Variants in IGSF11 observed in about 807,000 individuals in gnomAD.
IGSF11 encodes the protein CXADR like 1.
IGSF11 carries 22 observed loss-of-function variants against 41.0 expected under a neutral mutation model. That is an observed-to-expected ratio of 0.54 (90% CI 0.38 to 0.77). IGSF11 has a LOEUF of 0.77. IGSF11 is among the 30% of genes least tolerant of loss of function. The pLI, the probability that IGSF11 is intolerant of heterozygous loss-of-function variation, is 0.00. For missense variants in IGSF11, 444 were observed against 530.8 expected, an observed-to-expected ratio of 0.84 and a Z score of 1.61; for synonymous variants, 219 against 201.3, an observed-to-expected ratio of 1.09 and a Z score of -0.74.
rs561820742 is a variant in IGSF11 at position 118,933,489 on chromosome 3, T to TATATATATATATATAC, written c.53-3215_53-3214insGTATATATATATATAT. On this transcript the variant is annotated intron_variant, in intron 1 of 6. Coordinates refer to ENST00000393775, the MANE Select transcript of IGSF11 (RefSeq NM_001015887.3). Reference sequence around the variant, plus strand: ...TATTTTTTATATATATATATATATATACACACACACACACATATGTATACA... The same window carrying TATATATATATATATAC: ...TATTTTTTATATATATATATATATATATATATATATATATACACACACACACACACATATGTATACA... 1.7e-4 allele frequency among the ~76,000 whole-genome samples: 25 copies of TATATATATATATATAC among 148,800 alleles called. No homozygotes were observed. In the East Asian group the frequency reaches 4.9e-3, roughly 29 times the overall value.
At chr3:119,057,959 T>C (rs1263787811) in intron 1 of IGSF11, among the ~76,000 whole-genome samples, 1 of 152,200 alleles carries the variant, frequency 6.6e-6, no homozygotes, top group African/African-American at 2.4e-5. Flanking sequence ...TTACACCTTA[T>C]ACAAACATTA....
At chr3:119,058,131 A>G (rs1941920602) in intron 1 of IGSF11, among the ~76,000 whole-genome samples, 1 of 152,234 alleles carries the variant, frequency 6.6e-6, no homozygotes, top group Non-Finnish European at 1.5e-5. Flanking sequence ...ATGGGATCTA[A>G]TTAAACTCAA....
At chr3:119,031,896 C>G (rs948843862) in intron 1 of IGSF11, among the ~76,000 whole-genome samples, 1 of 152,128 alleles carries the variant, frequency 6.6e-6, no homozygotes, top group Admixed American at 6.5e-5. Flanking sequence ...TTTATGTGGT[C>G]ATTTCTTTCT....
chr3:119,103,214 G>C (rs538820327), intron 1 of IGSF11, among the ~76,000 whole-genome samples: 46 of 152,176 alleles, frequency 3.0e-4, no homozygotes, highest in African/African-American at 1.1e-3. Context: ...AGCCAGGATG[G>C]TCTCGATCTC....
At chr3:119,047,509 G>C (rs556089551) in intron 1 of IGSF11, among the ~76,000 whole-genome samples, 2 of 152,270 alleles carry the variant, frequency 1.3e-5, no homozygotes, top group East Asian at 3.9e-4. Context: ...AGTCCTGAGT[G>C]ACCTACAAAG....
At chr3:118,974,480 C>T (rs1452136231) in intron 1 of IGSF11, among the ~76,000 whole-genome samples, 2 of 152,166 alleles carry the variant, frequency 1.3e-5, no homozygotes, top group Non-Finnish European at 2.9e-5. Flanking sequence ...TCAGATGTTA[C>T]GAGAAGCCTC....
At chr3:118,940,925 A>C (rs893866719) in intron 1 of IGSF11, among the ~76,000 whole-genome samples, 25 of 146,914 alleles carry the variant, frequency 1.7e-4, no homozygotes, top group South Asian at 2.2e-4. Context: ...AAAAAAAAAA[A>C]CACCTCTACC....
rs1368843273 is a variant in IGSF11 at position 119,003,459 on chromosome 3, T to C, written c.52+31072A>G. Among the ~76,000 whole-genome samples the C allele has an allele frequency of 5.3e-5, 8 of 150,800 alleles. No homozygotes were observed. The South Asian group carries it at 6.3e-4, about 12-fold the overall frequency. ...CTTCCTCTTTTCCTAATTGAATACC[T>C]TTTATTTCCTTCTCCTGCCTGATTG... On this transcript the variant is annotated intron_variant, in intron 1 of 6. Transcript: ENST00000393775.
At chr3:119,005,149 G>T (rs976808976) in intron 1 of IGSF11, among the ~76,000 whole-genome samples, 2 of 146,878 alleles carry the variant, frequency 1.4e-5, no homozygotes, top group Non-Finnish European at 3.0e-5. Context: ...GGGTGCTCCT[G>T]TATTGGGTGC....
At chr3:119,122,590 G>A (rs4266184) in intron 1 of IGSF11, among the ~76,000 whole-genome samples, 142,960 of 152,236 alleles carry the variant, frequency 0.94, 67,193 homozygotes, top group East Asian at 1. Context: ...TGCATATACC[G>A]CCCCTCACCC....
chr3:119,111,296 A>G (rs1281879012), intron 1 of IGSF11, among the ~76,000 whole-genome samples: 4 of 150,560 alleles, frequency 2.7e-5, no homozygotes, highest in South Asian at 2.1e-4. Context: ...GTTTCTTTTT[A>G]TTCTTTTTTC....
At chr3:119,048,586 C>T (rs1941473260) in intron 1 of IGSF11, among the ~76,000 whole-genome samples, 1 of 152,180 alleles carries the variant, frequency 6.6e-6, no homozygotes, top group African/African-American at 2.4e-5. Context: ...GAACTGGTAC[C>T]ATTCCTTCTG....
chr3:118,948,062 T>C (rs569088314), intron 1 of IGSF11: 19 of 151,332 alleles, frequency 1.3e-4, no homozygotes, highest in Non-Finnish European at 2.5e-4. Context: ...CTATCCCGTG[T>C]ATGTGTATAT....
chr3:118,934,187 A>G (rs1943074223), intron 1 of IGSF11, among the ~76,000 whole-genome samples: 1 of 152,162 alleles, frequency 6.6e-6, no homozygotes, highest in Admixed American at 6.5e-5. Flanking sequence ...ATAGTCTTCA[A>G]TCTACTTCTG....
intron 1 of IGSF11, among the ~76,000 whole-genome samples, chr3:119,055,488 C>T (rs1370318963): frequency 6.6e-6 from 1 of 152,146 alleles, no homozygotes; most frequent in African/African-American, 2.4e-5. Context: ...TAGTGACCTA[C>T]AAAGAGACTT....
chr3:119,057,524 TATC>T (rs1400566969), intron 1 of IGSF11, among the ~76,000 whole-genome samples: 2 of 152,188 alleles, frequency 1.3e-5, no homozygotes, highest in African/African-American at 4.8e-5. Context: ...GAAGAATTGA[TATC>T]ATGAAAATGG....
rs1235030718 is a variant in IGSF11 at position 119,070,385 on chromosome 3, A to G, written c.49+34759T>C. 2.0e-5 allele frequency among the ~76,000 whole-genome samples: 3 copies of G among 152,246 alleles called. No homozygotes were observed. In the East Asian group the frequency reaches 5.8e-4, roughly 29 times the overall value. On this transcript the variant is annotated intron_variant, in intron 1 of 6. Coordinates refer to the IGSF11 transcript ENST00000354673. ...TGTTCTAATTAGAATATTGATATATATTTGAAATACATAAGGGAAGAATGT... is the reference window on the plus strand; with the variant it reads ...TGTTCTAATTAGAATATTGATATATGTTTGAAATACATAAGGGAAGAATGT...
At chr3:119,026,973 T>G (rs1217365968) in intron 1 of IGSF11, among the ~76,000 whole-genome samples, 2 of 152,140 alleles carry the variant, frequency 1.3e-5, no homozygotes, top group African/African-American at 2.4e-5. Context: ...TATCAAAATT[T>G]TGGAAAACTT....
intron 1 of IGSF11, among the ~76,000 whole-genome samples, chr3:118,993,348 T>G (rs1351553144): frequency 6.6e-6 from 1 of 152,190 alleles, no homozygotes; most frequent in African/African-American, 2.4e-5. Context: ...ATGGCTACAA[T>G]TAAAAGACAA....
Sources: allele counts gnomAD v4.1 joint callset (sites outside exome capture counted in the v4.1 genomes callset), GRCh38; gene constraint gnomAD v4.1.1; transcripts MANE v1.5; gene names NCBI Gene and HGNC (gene_info 2026-07-23, HGNC 2026-07-21).